PDE8B: variants seen among roughly 807,000 people sequenced by gnomAD.
The protein encoded by PDE8B is phosphodiesterase 8B.
A neutral mutation model predicts 101.3 loss-of-function variants in PDE8B; 26 were observed. That is an observed-to-expected ratio of 0.26 (90% CI 0.19 to 0.36). PDE8B has a LOEUF of 0.36. Among genes scored for constraint, PDE8B ranks in the 10% least tolerant of loss-of-function variants. The pLI, the probability that PDE8B is intolerant of heterozygous loss-of-function variation, is 1.00. For missense variants in PDE8B, 810 were observed against 1,163.1 expected, an observed-to-expected ratio of 0.70 and a Z score of 4.42; for synonymous variants, 424 against 429.3, an observed-to-expected ratio of 0.99 and a Z score of 0.15.
chr5:77,321,142 ATTTTTTTTTTT>A (rs10538529), intron 2 of PDE8B, among the ~76,000 whole-genome samples: 2 of 76,430 alleles, frequency 2.6e-5, no homozygotes, highest in South Asian at 9.9e-4. Flanking sequence ...CAGTATCTCT[ATTTTTTTTTTT>A]TTTTTTTTTT....
chr5:77,290,909 G>A, intron 1 of PDE8B: 1 of 1,606,326 alleles, frequency 6.2e-7, no homozygotes. Context: ...AGGACAACAA[G>A]CTGCTTGGTG....
At chr5:77,357,061 A>G (rs1184666226) in intron 10 of PDE8B, among the ~76,000 whole-genome samples, 1 of 152,206 alleles carries the variant, frequency 6.6e-6, no homozygotes, top group Non-Finnish European at 1.5e-5. Context: ...AAGCAAACCT[A>G]TAGAGAATGT....
intron 10 of PDE8B, among the ~76,000 whole-genome samples, chr5:77,387,032 C>T (rs904687531): frequency 1.5e-4 from 22 of 149,572 alleles, no homozygotes; most frequent in South Asian, 6.4e-4. Flanking sequence ...TACAGGCGCC[C>T]GCCACCGCGC....
At chr5:77,380,932 T>C (rs1787331026) in intron 10 of PDE8B, among the ~76,000 whole-genome samples, 1 of 152,144 alleles carries the variant, frequency 6.6e-6, no homozygotes, top group Non-Finnish European at 1.5e-5. Flanking sequence ...GAGGAAAGAC[T>C]GTGGACTGGG....
chr5:77,229,082 G>A (rs1260329382), intron 1 of PDE8B, among the ~76,000 whole-genome samples: 1 of 152,156 alleles, frequency 6.6e-6, no homozygotes, highest in African/African-American at 2.4e-5. Context: ...GTCTGTAAGA[G>A]TTTATGTAAG....
intron 1 of PDE8B, among the ~76,000 whole-genome samples, chr5:77,240,898 G>A (rs758665063): frequency 8.5e-5 from 13 of 152,128 alleles, no homozygotes; most frequent in Non-Finnish European, 1.0e-4. Flanking sequence ...TGAATAATAC[G>A]TAGTTGCAAC....
chr5:77,353,267 A>T, intron 9 of PDE8B, 79 bp from the exon 10 acceptor site: 1 of 836,990 alleles, frequency 1.2e-6, no homozygotes, highest in Admixed American at 1.7e-5. Flanking sequence ...AGCTTTAAGA[A>T]GTCTGTTGAC....
At position 77,211,128 on chromosome 5, in the gene PDE8B, G is replaced by C. The variant is rs1432592230; in HGVS notation, c.203G>C (p.Arg68Pro). 1 of 1,505,172 alleles carries C rather than the reference G, an allele frequency of 6.6e-7. No individual in the cohort carries two copies. The highest frequency in any genetic ancestry group is 2.7e-5 in the East Asian group (1 of 37,206). 93.2% of individuals were successfully genotyped at this position (1,505,172 alleles called of 1,614,324 possible). A position where few individuals can be genotyped will look rare whatever the true frequency, so the allele number is the denominator to read the frequency against. ...ASGPPSVARV[R>P]RARTELGSGS... ...GGACCCCCCAGCGTAGCCCGCGTCCGCAGGGCCCGCACCGAGCTGGGCAGC... is the reference window on the plus strand; with the variant it reads ...GGACCCCCCAGCGTAGCCCGCGTCCCCAGGGCCCGCACCGAGCTGGGCAGC... Residue 68 changes from arginine (R) to proline (P), a missense_variant, in exon 1 of 22, where the codon CGC becomes CCC. Transcript: ENST00000264917. The surrounding 1 kb of genome is among the most constrained non-coding windows in gnomAD (Gnocchi z 4.1).
the PDE8B span, among the ~76,000 whole-genome samples, chr5:77,107,049 C>T: frequency 6.6e-6 from 1 of 152,144 alleles, no homozygotes; most frequent in Non-Finnish European, 1.5e-5. Context: ...TATCCCACCC[C>T]TCTCCCCCTA....
At chr5:77,255,854 G>A (rs902721868) in intron 1 of PDE8B, among the ~76,000 whole-genome samples, 2 of 152,210 alleles carry the variant, frequency 1.3e-5, no homozygotes, top group African/African-American at 2.4e-5. Flanking sequence ...CAGAGGTTTC[G>A]ATTCCTTGGA....
rs577337466 is a variant in PDE8B, at chr5:77,389,118, GAA to G, written c.1168-11122_1168-11121del. The stretch of plus-strand genomic sequence containing the variant: ...GGTGTTCCAGGCAGCACTAGGGTAT[GAA>G]AAAAAAATCCTGCATCTAGCTTGGT... On this transcript the variant is annotated intron_variant, in intron 10 of 21. Transcript: ENST00000264917. Among the ~76,000 whole-genome samples the G allele has an allele frequency of 1.7e-3, 260 of 151,276 alleles. 1 individual carries two copies. The highest frequency in any genetic ancestry group is 5.9e-3 in the African/African-American group (243 of 41,258).
intron 8 of PDE8B, 56 bp downstream of exon 8, chr5:77,349,615 T>C (rs1444398264): frequency 1.2e-5 from 19 of 1,594,790 alleles, no homozygotes; most frequent in South Asian, 2.2e-5. Context: ...CACTTTTTTT[T>C]CTGAGTTTTA....
chr5:77,287,820 G>A (rs1194510006), intron 1 of PDE8B, among the ~76,000 whole-genome samples: 1 of 151,870 alleles, frequency 6.6e-6, no homozygotes, highest in Non-Finnish European at 1.5e-5. Flanking sequence ...TTTTTAAAAT[G>A]TTTTCTAGTT....
intron 17 of PDE8B, among the ~76,000 whole-genome samples, chr5:77,415,832 T>G (rs1476308291): frequency 1.3e-5 from 2 of 152,222 alleles, no homozygotes; most frequent in Admixed American, 1.3e-4. Context: ...CATTCCTTTA[T>G]TAGTATCTGA....
chr5:77,307,229 T>C (rs1458685996), intron 1 of PDE8B, among the ~76,000 whole-genome samples: 4 of 152,160 alleles, frequency 2.6e-5, no homozygotes, highest in Non-Finnish European at 4.4e-5. Context: ...GTGCCTGTGC[T>C]GTTCCCTATG....
rs1798059494 is a variant in PDE8B, at chr5:77,426,115, A to C, written c.2548+219A>C. Reference sequence around the variant, plus strand: ...GACTTGATGGATTTTTGATAGCTGGATAAACGAGTCTCTGCCTCTTCAAAG... The same window carrying C: ...GACTTGATGGATTTTTGATAGCTGGCTAAACGAGTCTCTGCCTCTTCAAAG... On this transcript the variant is annotated intron_variant, in intron 21 of 21. Coordinates refer to ENST00000264917, the MANE Select transcript of PDE8B (RefSeq NM_003719.5). The C allele has an allele frequency of 1.6e-5, 10 of 614,846 alleles. No homozygotes were observed. In the Admixed American group the frequency reaches 2.2e-4, roughly 14 times the overall value. 38.1% of individuals were successfully genotyped at this position (614,846 alleles called of 1,614,324 possible).
rs188823709 is a variant in PDE8B at position 77,347,004 on chromosome 5, G to A, written c.876+2073G>A. 7.2e-5 allele frequency among the ~76,000 whole-genome samples: 11 copies of A among 152,280 alleles called. 1 individual carries two copies. The East Asian group carries it at 1.5e-3, about 21-fold the overall frequency. The stretch of plus-strand genomic sequence containing the variant: ...ACAAATCTTCAGAGGTCAAGTAGCA[G>A]CACTTAAAATTTAGAAGCAATATCT... On this transcript the variant is annotated intron_variant, in intron 7 of 21. Transcript: ENST00000264917.
the PDE8B span, chr5:77,145,870 G>A: frequency 1.3e-5 from 2 of 152,136 alleles, no homozygotes; most frequent in South Asian, 4.2e-4. Context: ...TACTTTTCAT[G>A]AAAAAAGGAA....
At chr5:77,367,144 G>A (rs1784281792) in intron 10 of PDE8B, among the ~76,000 whole-genome samples, 1 of 147,830 alleles carries the variant, frequency 6.8e-6, no homozygotes, top group Non-Finnish European at 1.5e-5. Flanking sequence ...CTAAAACATT[G>A]TTTTCTCAAA....
Sources: allele counts gnomAD v4.1 joint callset (sites outside exome capture counted in the v4.1 genomes callset), GRCh38; gene constraint gnomAD v4.1.1; non-coding constraint Gnocchi (gnomAD v3.1); transcripts MANE v1.5; gene names NCBI Gene and HGNC (gene_info 2026-07-23, HGNC 2026-07-21).